The following CFAP43 variants were observed in gnomAD, a reference collection of about 807,000 sequenced individuals.
CFAP43 encodes the protein cilia and flagella associated protein 43, also known as cilia- and flagella-associated protein 43.
In CFAP43, 155 loss-of-function variants were observed where a neutral mutation model predicts 218.9. That is an observed-to-expected ratio of 0.71 (90% CI 0.62 to 0.81). CFAP43 has a LOEUF of 0.81. CFAP43 is among the 30% of genes least tolerant of loss of function. CFAP43 has a pLI of 0.00. For missense variants in CFAP43, 1,778 were observed against 1,954.3 expected, an observed-to-expected ratio of 0.91 and a Z score of 1.70; for synonymous variants, 645 against 681.3, an observed-to-expected ratio of 0.95 and a Z score of 0.83.
chr10:104,179,139 C>G (rs1230977379), intron 18 of CFAP43, 33 bp from the exon 19 acceptor site: 1 of 1,419,512 alleles, frequency 7.0e-7, no homozygotes, highest in African/African-American at 1.5e-5. Context: ...CTTAACAAAG[C>G]AAGAGAAATA....
Position 104,232,233 on chromosome 10 carries a change from C to G in CFAP43, c.14G>C (p.Arg5Pro), listed in dbSNP as rs1022080269. The change falls in exon 1 of 38, where the codon CGG (arginine) becomes CCG (proline). Residue 5 changes from arginine to proline, a missense_variant. By Grantham distance (103) the Arg-to-Pro change is moderately radical. Around this residue, in one of 3 missense-constraint regions of CFAP43, gnomAD observed 1,553 missense variants for 1,685.2 expected, o/e 0.92. Transcript: ENST00000357060. MAQG[R>P]ERDEGPHSAG... ...GGAGTGGGGGCCTTCGTCGCGCTCCCGGCCTTGCGCCATGGGCAGTGTTTT... is the reference window on the plus strand; with the variant it reads ...GGAGTGGGGGCCTTCGTCGCGCTCCGGGCCTTGCGCCATGGGCAGTGTTTT... 5 of 1,607,022 alleles carry G rather than the reference C, an allele frequency of 3.1e-6. No individual in the cohort carries two copies. Among genetic ancestry groups the G allele is most frequent in the South Asian group, 1.1e-5 (1 of 90,022 alleles).
At chr10:104,228,899 G>A (rs2091374362) in intron 2 of CFAP43, among the ~76,000 whole-genome samples, 1 of 151,846 alleles carries the variant, frequency 6.6e-6, no homozygotes, top group Non-Finnish European at 1.5e-5. Flanking sequence ...GAACTTCCAG[G>A]TTGATATTAA....
rs986751384 is a variant in CFAP43 at position 104,188,124 on chromosome 10, C to T, written c.1687+146G>A. ...AAAGTCCACACTTCAAACTGTTTAG[C>T]ATGTTGGTTTTACTTTGTAAAGATA... is the stretch of plus-strand genomic sequence containing the variant. On this transcript the variant is annotated intron_variant, in intron 13 of 37. Transcript: ENST00000357060. The T allele has an allele frequency of 8.2e-6, 8 of 976,318 alleles. No individual in the cohort carries two copies. In the African/African-American group the frequency reaches 1.1e-4, roughly 14 times the overall value. The allele number at this position is 976,318 out of a possible 1,614,324, so 60.5% of individuals were successfully genotyped here. A position where few individuals can be genotyped will look rare whatever the true frequency, so the allele number is the denominator to read the frequency against.
At chr10:104,136,990 C>T (rs937820918) in intron 34 of CFAP43, among the ~76,000 whole-genome samples, 8 of 152,054 alleles carry the variant, frequency 5.3e-5, no homozygotes, top group South Asian at 2.1e-4. Context: ...TTGATAGGGA[C>T]GTAGAGAAAG....
chr10:104,169,473 T>C (rs903410672), intron 20 of CFAP43, among the ~76,000 whole-genome samples: 1 of 152,164 alleles, frequency 6.6e-6, no homozygotes, highest in Non-Finnish European at 1.5e-5. Flanking sequence ...TTACTTCAAT[T>C]AGTTTTACTT....
At chr10:104,148,067 G>A (rs1255599188) in intron 28 of CFAP43, 69 bp from the exon 29 acceptor site, 6 of 978,130 alleles carry the variant, frequency 6.1e-6, no homozygotes, top group Non-Finnish European at 8.6e-6. Context: ...CTATAGACTT[G>A]GCACTAATCA....
intron 27 of CFAP43, among the ~76,000 whole-genome samples, chr10:104,157,615 T>C (rs1426725032): frequency 6.6e-6 from 1 of 152,052 alleles, no homozygotes; most frequent in Non-Finnish European, 1.5e-5. Context: ...TCAGTAAGTA[T>C]ATGTGTATTT....
intron 8 of CFAP43, among the ~76,000 whole-genome samples, chr10:104,202,046 C>A (rs191577024): frequency 1.3e-5 from 2 of 152,220 alleles, no homozygotes; most frequent in African/African-American, 2.4e-5. Flanking sequence ...GTAGTCTCTG[C>A]CACAACTATT....
chr10:104,215,047 A>G (rs2090975811), intron 3 of CFAP43, among the ~76,000 whole-genome samples: 1 of 152,134 alleles, frequency 6.6e-6, no homozygotes, highest in African/African-American at 2.4e-5. Flanking sequence ...AGGCAGGAGC[A>G]TCGCTTGAAC....
At chr10:104,226,158 CAG>C (rs1170091734) in intron 2 of CFAP43, among the ~76,000 whole-genome samples, 2 of 152,230 alleles carry the variant, frequency 1.3e-5, no homozygotes, top group African/African-American at 4.8e-5. Flanking sequence ...CTTCCCAGTA[CAG>C]AGTGGTCTGA....
At chr10:104,171,739 G>A (rs372501356) in intron 20 of CFAP43, among the ~76,000 whole-genome samples, 83 of 152,342 alleles carry the variant, frequency 5.4e-4, no homozygotes, top group African/African-American at 1.9e-3. Flanking sequence ...GTGACTGCCA[G>A]AAAATAATAC....
chr10:104,142,500 C>A, intron 32 of CFAP43, 107 bp from the exon 33 acceptor site: 2 of 647,862 alleles, frequency 3.1e-6, no homozygotes, highest in Non-Finnish European at 2.5e-6. Context: ...GTCTATCTTT[C>A]GAAGAAAGTA....
chr10:104,183,848 A>T (rs2089941777), intron 16 of CFAP43, among the ~76,000 whole-genome samples: 1 of 152,248 alleles, frequency 6.6e-6, no homozygotes, highest in Non-Finnish European at 1.5e-5. Context: ...ACAATATGTT[A>T]GGACTTACAT....
chr10:104,218,825 C>T (rs1174428526), intron 3 of CFAP43: 1 of 544,022 alleles, frequency 1.8e-6, no homozygotes, highest in South Asian at 1.4e-5. Flanking sequence ...GCCCTCATCT[C>T]TACTATTTAA....
At chr10:104,172,266 T>C in intron 20 of CFAP43, 144 bp downstream of exon 20, 1 of 996,156 alleles carries the variant, frequency 1.0e-6, no homozygotes, top group Non-Finnish European at 1.4e-6. Flanking sequence ...TTCATTATAC[T>C]TATATGCACT....
chr10:104,165,352 T>TA, intron 23 of CFAP43, among the ~76,000 whole-genome samples: 1 of 152,310 alleles, frequency 6.6e-6, no homozygotes, highest in East Asian at 1.9e-4. Context: ...GGGCTGAAAT[T>TA]ACCTCCTTGT....
At chr10:104,136,543 G>A (rs928894871) in intron 34 of CFAP43, among the ~76,000 whole-genome samples, 9 of 151,482 alleles carry the variant, frequency 5.9e-5, no homozygotes, top group African/African-American at 1.9e-4. Context: ...GCTAATTTTT[G>A]TATTTTTAGT....
intron 5 of CFAP43, among the ~76,000 whole-genome samples, chr10:104,210,941 C>T (rs11591554): frequency 0.13 from 19,149 of 151,954 alleles, 1,500 homozygotes; most frequent in Non-Finnish European, 0.17. Flanking sequence ...CAGGCGTCCG[C>T]CACCATGCCC....
chr10:104,220,949 C>CGT (rs68093596), intron 3 of CFAP43, among the ~76,000 whole-genome samples: 23,496 of 143,514 alleles, frequency 0.16, 1,820 homozygotes, highest in Middle Eastern at 0.19. Flanking sequence ...TATGAGTGAG[C>CGT]GTGTGTGTGT....
Sources: gnomAD v4.1 joint callset for allele counts (sites outside exome capture counted in the v4.1 genomes callset) on GRCh38, gnomAD v4.1.1 for gene constraint, gnomAD v4.1.1 regional missense constraint, MANE v1.5 for transcripts, NCBI Gene and HGNC (gene_info 2026-07-23, HGNC 2026-07-21) for gene names.